SPOCK1: variants seen among roughly 807,000 people sequenced by gnomAD.
SPOCK1 encodes the protein SPARC (osteonectin), cwcv and kazal like domains proteoglycan 1.
In SPOCK1, 23 loss-of-function variants were observed where a neutral mutation model predicts 55.3. The observed-to-expected ratio is 0.42, with a 90% CI of 0.30 to 0.59. SPOCK1 has a LOEUF of 0.59. Ranked by LOEUF, SPOCK1 falls within the 20% of genes least tolerant of loss-of-function variation. The pLI is 0.22. For synonymous variants in SPOCK1, 226 were observed against 221.0 expected, an observed-to-expected ratio of 1.02 and a Z score of -0.20; for missense variants, 499 against 552.5, an observed-to-expected ratio of 0.90 and a Z score of 0.97.
At chr5:137,256,740 C>T (rs1223377973) in intron 3 of SPOCK1, among the ~76,000 whole-genome samples, 3 of 152,096 alleles carry the variant, frequency 2.0e-5, no homozygotes, top group Admixed American at 6.5e-5. Context: ...CCCAACTCTG[C>T]GAGGCACTGC....
At chr5:137,463,534 T>TGGGGGGGGGGG (rs1753536774) in intron 2 of SPOCK1, among the ~76,000 whole-genome samples, 2 of 133,570 alleles carry the variant, frequency 1.5e-5, no homozygotes, top group African/African-American at 2.9e-5. Flanking sequence ...AGTGGGGGGG[T>TGGGGGGGGGGG]GTTGGGAGGA....
Position 137,485,541 on chromosome 5 carries a change from T to C in SPOCK1, c.186+12832A>G, listed in dbSNP as rs545618797. Among the ~76,000 whole-genome samples, 14 of 152,316 alleles carry C rather than the reference T, an allele frequency of 9.2e-5. No individual in the cohort carries two copies. In the East Asian group the frequency reaches 2.5e-3, roughly 27 times the overall value. On this transcript the variant is annotated intron_variant, in intron 2 of 10. Transcript: ENST00000394945. The stretch of plus-strand genomic sequence containing the variant: ...AGTTAAACACTCACCTGTCTTACAG[T>C]GACCAGTGGATTGCCACACCTAGGT...
chr5:137,355,043 C>T (rs1040421202), intron 2 of SPOCK1, among the ~76,000 whole-genome samples: 6 of 152,082 alleles, frequency 3.9e-5, no homozygotes, highest in African/African-American at 1.5e-4. Context: ...GACGGGACTA[C>T]AGGCAAGCAC....
intron 2 of SPOCK1, among the ~76,000 whole-genome samples, chr5:137,434,486 T>TC (rs1752815608): frequency 8.6e-6 from 1 of 115,840 alleles, no homozygotes; most frequent in South Asian, 3.3e-4. Flanking sequence ...TTTTCTTTTT[T>TC]TTTTTTTTTT....
intron 5 of SPOCK1, among the ~76,000 whole-genome samples, chr5:137,075,451 C>T (rs897480386): frequency 3.3e-5 from 5 of 152,194 alleles, no homozygotes; most frequent in Non-Finnish European, 5.9e-5. Flanking sequence ...AAGAGCTGAC[C>T]TTCAGTAAGG....
intron 2 of SPOCK1, among the ~76,000 whole-genome samples, chr5:137,301,362 T>C (rs891965691): frequency 6.6e-6 from 1 of 152,236 alleles, no homozygotes; most frequent in Non-Finnish European, 1.5e-5. Flanking sequence ...ATGACAATAA[T>C]ATTTGTGAAA....
At position 137,099,456 on chromosome 5, in the gene SPOCK1, G is replaced by A. The variant is rs188814794; in HGVS notation, c.474+12979C>T. Among the ~76,000 whole-genome samples the A allele has an allele frequency of 1.9e-3, 286 of 152,088 alleles. 1 individual carries two copies. Among genetic ancestry groups the A allele is most frequent in the African/African-American group, 6.7e-3 (278 of 41,492 alleles). On this transcript the variant is annotated intron_variant, in intron 5 of 10. Transcript: ENST00000394945. The stretch of plus-strand genomic sequence containing the variant: ...AAACCTTTGCCCTGAATGAATGCAC[G>A]TTCTCTGTTATAAAAGTTTCACCAG...
intron 6 of SPOCK1, among the ~76,000 whole-genome samples, chr5:137,005,379 C>T (rs1302729768): frequency 7.0e-6 from 1 of 143,396 alleles, no homozygotes; most frequent in East Asian, 2.0e-4. Context: ...AAAAGAGCAG[C>T]ATTGCATCTA....
intron 3 of SPOCK1, among the ~76,000 whole-genome samples, chr5:137,189,786 T>C (rs1367332177): frequency 6.6e-6 from 1 of 152,144 alleles, no homozygotes; most frequent in Non-Finnish European, 1.5e-5. Flanking sequence ...GCAAAGTAAA[T>C]TGAAAACCTT....
intron 2 of SPOCK1, among the ~76,000 whole-genome samples, chr5:137,356,838 T>TATATATATATAGAGAGAG (rs1554077335): frequency 1.1e-3 from 6 of 5,458 alleles, no homozygotes; most frequent in Non-Finnish European, 1.9e-3. Flanking sequence ...TATATATATA[T>TATATATATATAGAGAGAG]AGAGAGAGAG....
At chr5:137,482,141 G>C (rs1268275685) in intron 2 of SPOCK1, among the ~76,000 whole-genome samples, 2 of 152,176 alleles carry the variant, frequency 1.3e-5, no homozygotes, top group African/African-American at 4.8e-5. Flanking sequence ...GGAGGGAAGG[G>C]GAAACTGCAG....
At chr5:137,005,135 A>G (rs1392630992) in intron 6 of SPOCK1, among the ~76,000 whole-genome samples, 3 of 152,196 alleles carry the variant, frequency 2.0e-5, no homozygotes, top group Non-Finnish European at 4.4e-5. Flanking sequence ...TCTGTTTCAT[A>G]GAAACAGAAA....
At chr5:137,164,805 G>A (rs1037979657) in intron 3 of SPOCK1, among the ~76,000 whole-genome samples, 3 of 152,192 alleles carry the variant, frequency 2.0e-5, no homozygotes, top group African/African-American at 7.2e-5. Flanking sequence ...CTGTGATGGT[G>A]GTGGCAATGG....
intron 2 of SPOCK1, among the ~76,000 whole-genome samples, chr5:137,330,736 G>C (rs1455650834): frequency 6.6e-6 from 1 of 152,198 alleles, no homozygotes; most frequent in African/African-American, 2.4e-5. Flanking sequence ...TGCCAGGAAG[G>C]AGTTGTGTGA....
intron 5 of SPOCK1, among the ~76,000 whole-genome samples, chr5:137,102,123 T>C (rs999969428): frequency 2.6e-5 from 4 of 152,178 alleles, no homozygotes; most frequent in Non-Finnish European, 4.4e-5. Flanking sequence ...TCATGCAGTA[T>C]AAACTCTTTT....
intron 2 of SPOCK1, among the ~76,000 whole-genome samples, chr5:137,298,450 T>C (rs780499064): frequency 1.3e-5 from 2 of 152,206 alleles, no homozygotes; most frequent in Non-Finnish European, 2.9e-5. Flanking sequence ...CAAGCACTTA[T>C]TAAAAATAAG....
chr5:137,083,117 C>T (rs1258632733), intron 5 of SPOCK1, among the ~76,000 whole-genome samples: 2 of 152,150 alleles, frequency 1.3e-5, no homozygotes, highest in African/African-American at 2.4e-5. Flanking sequence ...TGTGTGCTCC[C>T]GTTTTGGGGA....
At chr5:137,147,393 C>T (rs1561626778) in intron 3 of SPOCK1, among the ~76,000 whole-genome samples, 1 of 152,176 alleles carries the variant, frequency 6.6e-6, no homozygotes, top group African/African-American at 2.4e-5. Flanking sequence ...GCTCGGGCAG[C>T]CATAATGAAA....
rs184634631 is a variant in SPOCK1, at chr5:137,145,728, T to C, written c.233-5034A>G. Among the ~76,000 whole-genome samples the C allele has an allele frequency of 2.7e-3, 407 of 152,304 alleles. 2 individuals are homozygous for C. Among genetic ancestry groups the C allele is most frequent in the African/African-American group, 9.2e-3 (382 of 41,570 alleles). ...TAGGAGACAGGTGAGACAGGTAAGG[T>C]ACCTAATTCAGCCTTTCAGGGGGTC... On this transcript the variant is annotated intron_variant, in intron 3 of 10. Coordinates refer to ENST00000394945, the MANE Select transcript of SPOCK1 (RefSeq NM_004598.4).
Sources: gnomAD v4.1 joint callset for allele counts (sites outside exome capture counted in the v4.1 genomes callset) on GRCh38, gnomAD v4.1.1 for gene constraint, MANE v1.5 for transcripts, NCBI Gene and HGNC (gene_info 2026-07-23, HGNC 2026-07-21) for gene names.